Variants in B3GAT1 observed in about 807,000 individuals in gnomAD.
B3GAT1 encodes beta-1,3-glucuronyltransferase 1, also known as galactosylgalactosylxylosylprotein 3-beta-glucuronosyltransferase 1.
In B3GAT1, 11 loss-of-function variants were observed where a neutral mutation model predicts 28.4. The ratio of observed to expected loss-of-function variants is 0.39; its 90% CI spans 0.24 to 0.64. The LOEUF (loss-of-function observed/expected upper bound fraction) is 0.64, where lower values mean the gene tolerates loss of function less well. B3GAT1 is among the 30% of genes least tolerant of loss of function. B3GAT1 has a pLI of 0.50. For synonymous variants in B3GAT1, 255 were observed against 223.1 expected (o/e 1.14, Z -1.27); for missense variants, 375 against 491.0 (o/e 0.76, Z 2.23).
In B3GAT1 at chr11:134,402,423, G is replaced by A. The variant is rs184518605; in HGVS notation, c.-282+9384C>T. 2.8e-4 allele frequency among the ~76,000 whole-genome samples: 42 copies of A among 152,152 alleles called. No homozygotes were observed. In the East Asian group the frequency reaches 7.4e-3, roughly 27 times the overall value. On this transcript the variant is annotated intron_variant, in intron 1 of 5. Transcript: ENST00000312527. ...TTGTCCATGGGGCTCTAGGGCCAGCGAGCCCTGGGCACTGTCACTCCCTGC... is the reference window on the plus strand; with the variant it reads ...TTGTCCATGGGGCTCTAGGGCCAGCAAGCCCTGGGCACTGTCACTCCCTGC...
chr11:134,405,465 G>A (rs1379050899), intron 1 of B3GAT1, among the ~76,000 whole-genome samples: 1 of 152,218 alleles, frequency 6.6e-6, no homozygotes, highest in African/African-American at 2.4e-5. Flanking sequence ...TAGTTTGTCT[G>A]TATTTTTAAT....
In B3GAT1 at chr11:134,387,453, G is replaced by A. The variant is rs971534300; in HGVS notation, c.112+95C>T. ...GATGATCCCGTGGTTCCTCCTAGCT[G>A]CTAAGTGAGTGCAAGCAAGAACCCT... On this transcript the variant is annotated intron_variant, in intron 2 of 5. Coordinates refer to ENST00000312527, the MANE Select transcript of B3GAT1 (RefSeq NM_054025.3). The A allele has an allele frequency of 9.9e-6, 15 of 1,514,272 alleles. No individual in the cohort carries two copies. In the Admixed American group the frequency reaches 1.7e-4, roughly 17 times the overall value. The allele number at this position is 1,514,272 out of a possible 1,614,324, so 93.8% of individuals were successfully genotyped here. A position where few individuals can be genotyped will look rare whatever the true frequency, so the allele number is the denominator to read the frequency against.
At chr11:134,382,593 G>T in intron 4 of B3GAT1, 117 bp downstream of exon 4, 1 of 1,254,824 alleles carries the variant, frequency 8.0e-7, no homozygotes, top group Non-Finnish European at 1.1e-6. Context: ...CCTGGGAGGG[G>T]GTTCCAGAAA....
intron 1 of B3GAT1, among the ~76,000 whole-genome samples, chr11:134,398,466 C>T (rs976621307): frequency 2.0e-5 from 3 of 150,760 alleles, no homozygotes; most frequent in African/African-American, 2.5e-5. Flanking sequence ...ACAGCTCACA[C>T]GCAGTACTGA....
Position 134,387,581 on chromosome 11 carries a change from T to C in B3GAT1, c.79A>G (p.Ser27Gly). Residue 27 changes from serine to glycine, a missense_variant, in exon 2 of 6, where the codon AGC becomes GGC. Transcript: ENST00000312527. ...ACCGCGAGCAGGGGTGCGAGGGTGC[T>C]CTGGTGCCAGACAGTGATGAGCAGA... ...WTLLITVWHQ[S>G]TLAPLLAVHK... 1 of 1,614,086 alleles carries C rather than the reference T, an allele frequency of 6.2e-7. No homozygotes were observed. Among genetic ancestry groups the C allele is most frequent in the Non-Finnish European group, 8.5e-7 (1 of 1,180,022 alleles).
chr11:134,403,259 C>T (rs1035816740), intron 1 of B3GAT1, among the ~76,000 whole-genome samples: 1 of 152,122 alleles, frequency 6.6e-6, no homozygotes, highest in Non-Finnish European at 1.5e-5. Flanking sequence ...GAGTACCCGG[C>T]CGATTTCTTT....
Position 134,381,985 on chromosome 11 carries a change from C to G in B3GAT1, c.958G>C (p.Val320Leu). 1 of 1,614,174 alleles carries G rather than the reference C, an allele frequency of 6.2e-7. No individual in the cohort carries two copies. Among genetic ancestry groups the G allele is most frequent in the Non-Finnish European group, 8.5e-7 (1 of 1,180,038 alleles). The change falls in exon 5 of 6, where the codon GTG becomes CTG. Residue 320 changes from valine to leucine, a missense_variant. By Grantham distance (32) the Val-to-Leu change is conservative. Transcript: ENST00000312527. ...GTGAAGCCCTTCTTGCCCTCATTCA[C>G]CAGCACTGGCTTCTCTGTCCGTGTG... ...WHTRTEKPVLVNEGKKGFTDP... is the reference protein window; with the variant it reads ...WHTRTEKPVLLNEGKKGFTDP...
At chr11:134,410,157 G>C (rs182867659) in intron 1 of B3GAT1, among the ~76,000 whole-genome samples, 1 of 152,198 alleles carries the variant, frequency 6.6e-6, no homozygotes, top group African/African-American at 2.4e-5. Flanking sequence ...TCTCCGCCAC[G>C]GGCTCCAATC....
intron 1 of B3GAT1, among the ~76,000 whole-genome samples, chr11:134,396,607 G>A (rs1944509314): frequency 6.6e-6 from 1 of 151,580 alleles, no homozygotes; most frequent in Non-Finnish European, 1.5e-5. Context: ...CCTACCACTA[G>A]GCTGTCAGGA....
intron 1 of B3GAT1, among the ~76,000 whole-genome samples, chr11:134,410,350 G>C (rs1004277495): frequency 1.3e-5 from 2 of 152,156 alleles, no homozygotes; most frequent in African/African-American, 4.8e-5. Context: ...CAGGAACAGC[G>C]AGCTCCTGGC....
chr11:134,407,988 G>A (rs901886020), intron 1 of B3GAT1, among the ~76,000 whole-genome samples: 3 of 151,768 alleles, frequency 2.0e-5, no homozygotes, highest in Non-Finnish European at 2.9e-5. Context: ...TTTTTTAGAC[G>A]ACCATTTGCT....
rs1020260699 is a variant in B3GAT1, at chr11:134,393,987, C to T, written c.-281-6047G>A. Among the ~76,000 whole-genome samples the T allele has an allele frequency of 6.6e-5, 10 of 152,308 alleles. No individual in the cohort carries two copies. The highest frequency in any genetic ancestry group is 1.3e-4 in the Non-Finnish European group (9 of 68,016). On this transcript the variant is annotated intron_variant, in intron 1 of 5. Transcript: ENST00000312527. This position sits in a 1 kb window ranked among gnomAD's most constrained non-coding sequence, Gnocchi z 4.0. Reference sequence around the variant, plus strand: ...GCTCAGGAAACGCCTGATGCCACAGCTAATCAGCTCCCAGCCCAGTCAATC... The same window carrying T: ...GCTCAGGAAACGCCTGATGCCACAGTTAATCAGCTCCCAGCCCAGTCAATC...
At chr11:134,404,972 G>A (rs555334455) in intron 1 of B3GAT1, among the ~76,000 whole-genome samples, 16 of 152,274 alleles carry the variant, frequency 1.1e-4, no homozygotes, top group South Asian at 8.3e-4. Context: ...GCAACTGGCC[G>A]GTCCCTTGGC....
intron 1 of B3GAT1, among the ~76,000 whole-genome samples, chr11:134,398,910 C>T (rs991196873): frequency 6.6e-6 from 1 of 152,206 alleles, no homozygotes; most frequent in African/African-American, 2.4e-5. Flanking sequence ...TGATCCAAAC[C>T]AGGATGCTTT....
Position 134,411,041 on chromosome 11 carries a change from G to C in B3GAT1, c.-282+766C>G, listed in dbSNP as rs1161454494. ...GGGAAGTTGGCCAAGGCTCCCATGT[G>C]TGTGCATGTGGGGGTGGTTCTTGAC... On this transcript the variant is annotated intron_variant, in intron 1 of 5. Transcript: ENST00000312527. This position sits in a 1 kb window ranked among gnomAD's most constrained non-coding sequence, Gnocchi z 6.0. Among the ~76,000 whole-genome samples, 1 of 152,242 alleles carries C rather than the reference G, an allele frequency of 6.6e-6. No homozygotes were observed. The highest frequency in any genetic ancestry group is 6.5e-5 in the Admixed American group (1 of 15,288).
chr11:134,398,507 T>C (rs1037740801), intron 1 of B3GAT1, among the ~76,000 whole-genome samples: 2 of 150,730 alleles, frequency 1.3e-5, no homozygotes, highest in African/African-American at 5.0e-5. Flanking sequence ...TGCACGTTGG[T>C]TATCTCATTT....
At chr11:134,400,337 A>G (rs995715164) in intron 1 of B3GAT1, among the ~76,000 whole-genome samples, 2 of 152,120 alleles carry the variant, frequency 1.3e-5, no homozygotes, top group East Asian at 3.9e-4. Flanking sequence ...CCAGAGCCCA[A>G]CCCAAAGCAG....
intron 1 of B3GAT1, among the ~76,000 whole-genome samples, chr11:134,392,674 G>T (rs80036658): frequency 6.6e-6 from 1 of 152,092 alleles, no homozygotes; most frequent in Non-Finnish European, 1.5e-5. Flanking sequence ...CCTCCAGAGA[G>T]GAATTTGTCT....
chr11:134,392,440 G>C (rs1210108800), intron 1 of B3GAT1: 2 of 152,366 alleles, frequency 1.3e-5, no homozygotes, highest in African/African-American at 4.8e-5. Context: ...CATGATCACA[G>C]CTCTCTGCAG....
Sources: allele counts gnomAD v4.1 joint callset (sites outside exome capture counted in the v4.1 genomes callset), GRCh38; gene constraint gnomAD v4.1.1; non-coding constraint Gnocchi (gnomAD v3.1); transcripts MANE v1.5; gene names NCBI Gene and HGNC (gene_info 2026-07-23, HGNC 2026-07-21).